The following LRPPRC variants were observed in gnomAD, a reference collection of about 807,000 sequenced individuals.
The protein encoded by LRPPRC is leucine-rich PPR motif-containing protein, mitochondrial.
In LRPPRC, 120 loss-of-function variants were observed where a neutral mutation model predicts 180.3. The ratio of observed to expected loss-of-function variants is 0.67; its 90% CI spans 0.57 to 0.77. LRPPRC has a LOEUF of 0.77. Among genes scored for constraint, LRPPRC ranks in the 30% least tolerant of loss-of-function variants. LRPPRC has a pLI of 0.00. For missense variants in LRPPRC, 2,012 were observed against 1,657.2 expected (o/e 1.21, Z -3.72); for synonymous variants, 723 against 600.0 (o/e 1.21, Z -3.00).
rs1174216406 is a variant in LRPPRC, at chr2:43,915,232, T to TCTCTCTCTCTCTCTCA, written c.3149-2675_3149-2674insTGAGAGAGAGAGAGAG. ...CTCTCTCTCTCTCTCTCTCTCTCTCTCACACACACACACACACACACACAC... is the reference window on the plus strand; with the variant it reads ...CTCTCTCTCTCTCTCTCTCTCTCTCTCTCTCTCTCTCTCTCACACACACACACACACACACACACAC... On this transcript the variant is annotated intron_variant, in intron 29 of 37. Transcript: ENST00000260665. Among the ~76,000 whole-genome samples the TCTCTCTCTCTCTCTCA allele has an allele frequency of 3.1e-3, 159 of 51,856 alleles. 5 individuals carry two copies. Among genetic ancestry groups the TCTCTCTCTCTCTCTCA allele is most frequent in the Non-Finnish European group, 4.4e-3 (127 of 28,924 alleles). 34.0% of individuals were successfully genotyped at this position (51,856 alleles called of 152,430 possible).
chr2:43,956,099 A>T (rs1673102950), intron 14 of LRPPRC, among the ~76,000 whole-genome samples: 1 of 152,092 alleles, frequency 6.6e-6, no homozygotes, highest in Non-Finnish European at 1.5e-5. Flanking sequence ...AAAAATACAA[A>T]ATGTAGAAGA....
chr2:43,993,834 T>C (rs1455451632), intron 1 of LRPPRC, among the ~76,000 whole-genome samples: 1 of 150,228 alleles, frequency 6.7e-6, no homozygotes, highest in Non-Finnish European at 1.5e-5. Context: ...TTGGATTGAG[T>C]GTTGAGGTAA....
At chr2:43,952,863 T>TCCC (rs1053723184) in intron 14 of LRPPRC, among the ~76,000 whole-genome samples, 5 of 152,284 alleles carry the variant, frequency 3.3e-5, no homozygotes, top group African/African-American at 1.2e-4. Flanking sequence ...ACCTGTACTC[T>TCCC]CCCCTTTGAA....
chr2:43,932,563 C>T (rs1171511770), intron 25 of LRPPRC, among the ~76,000 whole-genome samples: 1 of 152,178 alleles, frequency 6.6e-6, no homozygotes, highest in Admixed American at 6.6e-5. Flanking sequence ...AAGAGGCAGT[C>T]TTCTCTTGCC....
At position 43,887,384 on chromosome 2, in the gene LRPPRC, G is replaced by C. The variant is rs1051302600; in HGVS notation, c.*1216C>G. The C allele has an allele frequency of 6.6e-6, 1 of 152,146 alleles. No homozygotes were observed. Among genetic ancestry groups the C allele is most frequent in the African/African-American group, 2.4e-5 (1 of 41,422 alleles). 9.4% of individuals were successfully genotyped at this position (152,146 alleles called of 1,614,324 possible). A position where few individuals can be genotyped will look rare whatever the true frequency, so the allele number is the denominator to read the frequency against. On this transcript the variant is annotated 3_prime_UTR_variant, in exon 38 of 38. Transcript: ENST00000260665. ...ATCAACCCTCCCTCACACCATCTGC[G>C]GGCAGGTAGCAGATGCAGGAGAGAG...
chr2:43,904,544 T>G (rs989896091), intron 31 of LRPPRC: 1 of 151,006 alleles, frequency 6.6e-6, no homozygotes, highest in Admixed American at 6.6e-5. Context: ...AATACAAAAA[T>G]TAGCTGGGCG....
intron 30 of LRPPRC, among the ~76,000 whole-genome samples, chr2:43,910,666 T>C (rs1234019214): frequency 1.3e-5 from 2 of 152,200 alleles, no homozygotes; most frequent in Non-Finnish European, 2.9e-5. Context: ...TAAGACATGA[T>C]TCTTCAATCA....
At position 43,955,700 on chromosome 2, in the gene LRPPRC, T is replaced by C. The variant is rs114266753; in HGVS notation, c.1649+1685A>G. On this transcript the variant is annotated intron_variant, in intron 14 of 37. Coordinates refer to ENST00000260665, the MANE Select transcript of LRPPRC (RefSeq NM_133259.4). ...GGCTGCAGTAGGCTGATTAACCCAC[T>C]GCACTCTGGCCTTGGGGACAGAGCG... Among the ~76,000 whole-genome samples the C allele has an allele frequency of 1.7e-3, 252 of 151,760 alleles. 2 individuals are homozygous for C. Among genetic ancestry groups the C allele is most frequent in the African/African-American group, 5.9e-3 (245 of 41,178 alleles).
At chr2:43,985,008 GT>G (rs369157753) in intron 1 of LRPPRC, among the ~76,000 whole-genome samples, 1,705 of 147,934 alleles carry the variant, frequency 0.012, 34 homozygotes, top group African/African-American at 0.041. Flanking sequence ...ATTAAGGTGG[GT>G]TTTTTTTTAA....
intron 23 of LRPPRC, among the ~76,000 whole-genome samples, chr2:43,941,685 G>A (rs1307475500): frequency 2.6e-5 from 4 of 151,832 alleles, no homozygotes; most frequent in Admixed American, 2.0e-4. Flanking sequence ...CCCTGACTAC[G>A]AATGTTTCTG....
chr2:43,978,676 TA>T (rs891523801), intron 3 of LRPPRC, among the ~76,000 whole-genome samples: 5 of 151,494 alleles, frequency 3.3e-5, no homozygotes, highest in Admixed American at 6.6e-5. Flanking sequence ...GTTTTTAACT[TA>T]AAAAAAAATC....
intron 2 of LRPPRC, 78 bp downstream of exon 2, chr2:43,982,160 C>T (rs1438631955): frequency 3.0e-6 from 3 of 1,009,156 alleles, no homozygotes; most frequent in Non-Finnish European, 4.4e-6. Context: ...TACCTGCCTC[C>T]CAAAGTGCTG....
intron 36 of LRPPRC, chr2:43,890,449 C>G (rs953599158): frequency 4.0e-5 from 17 of 422,910 alleles, no homozygotes; most frequent in African/African-American, 3.1e-4. Context: ...CGCAGTGGCT[C>G]ACGCCTGTAA....
At position 43,888,514 on chromosome 2, in the gene LRPPRC, A is replaced by G. The variant is rs1192168639; in HGVS notation, c.*86T>C. On this transcript the variant is annotated 3_prime_UTR_variant, in exon 38 of 38. Transcript: ENST00000260665. Reference sequence around the variant, plus strand: ...ACATAAGTACATAAAGAAAATTTTCATTTATTTTTCCCTCAGATATACTTC... The same window carrying G: ...ACATAAGTACATAAAGAAAATTTTCGTTTATTTTTCCCTCAGATATACTTC... 1.0e-5 allele frequency: 9 copies of G among 880,026 alleles called. No individual in the cohort carries two copies. The highest frequency in any genetic ancestry group is 9.9e-5 in the African/African-American group (6 of 60,890). 54.5% of individuals were successfully genotyped at this position (880,026 alleles called of 1,614,324 possible).
In LRPPRC at chr2:43,887,364, C is replaced by A. The variant is rs1188920367; in HGVS notation, c.*1236G>T. The A allele has an allele frequency of 6.6e-6, 1 of 152,198 alleles. No homozygotes were observed. Among genetic ancestry groups the A allele is most frequent in the Non-Finnish European group, 1.5e-5 (1 of 68,078 alleles). The allele number at this position is 152,198 out of a possible 1,614,324, so 9.4% of individuals were successfully genotyped here. On this transcript the variant is annotated 3_prime_UTR_variant, in exon 38 of 38. Transcript: ENST00000260665. ...CTACTTCCTGGCTTCCCGCCATCAACCCTCCCTCACACCATCTGCGGGCAG... is the reference window on the plus strand; with the variant it reads ...CTACTTCCTGGCTTCCCGCCATCAAACCTCCCTCACACCATCTGCGGGCAG...
intron 27 of LRPPRC, among the ~76,000 whole-genome samples, chr2:43,921,007 T>C (rs1287222562): frequency 1.3e-5 from 2 of 152,088 alleles, no homozygotes; most frequent in Non-Finnish European, 2.9e-5. Flanking sequence ...AAATAAGACT[T>C]GTGGGCAGGT....
At chr2:43,984,871 T>C (rs1674458761) in intron 1 of LRPPRC, among the ~76,000 whole-genome samples, 1 of 152,168 alleles carries the variant, frequency 6.6e-6, no homozygotes, top group Non-Finnish European at 1.5e-5. Context: ...CTCCTTTACA[T>C]TTCCTAGTTA....
In LRPPRC at chr2:43,957,431, T is replaced by A. The variant is rs1673164665; in HGVS notation, c.1603A>T (p.Ile535Phe). ...CTACTTCTTATAGACTGCAGCGAGATGGGCAATGTATTTGATTTCACTGCA... is the reference window on the plus strand; with the variant it reads ...CTACTTCTTATAGACTGCAGCGAGAAGGGCAATGTATTTGATTTCACTGCA... ...LSFLKSNTLP[I>F]SLQSIRSSLL... Residue 535 changes from isoleucine (I) to phenylalanine (F), a missense_variant, in exon 14 of 38, where the codon ATC becomes TTC. By Grantham distance (21) the Ile-to-Phe change is conservative. Transcript: ENST00000260665. The A allele has an allele frequency of 1.9e-6, 3 of 1,613,404 alleles. No individual in the cohort carries two copies. Among genetic ancestry groups the A allele is most frequent in the Non-Finnish European group, 2.5e-6 (3 of 1,179,360 alleles).
chr2:43,979,776 G>T, intron 3 of LRPPRC, 50 bp downstream of exon 3: 1 of 1,577,256 alleles, frequency 6.3e-7, no homozygotes, highest in Non-Finnish European at 8.7e-7. Context: ...TTTGCAAAAA[G>T]AAAAAACATC....
Sources: gnomAD v4.1 joint callset for allele counts (sites outside exome capture counted in the v4.1 genomes callset) on GRCh38, gnomAD v4.1.1 for gene constraint, MANE v1.5 for transcripts, NCBI Gene and HGNC (gene_info 2026-07-23, HGNC 2026-07-21) for gene names.